Variants in PTH2R observed in about 807,000 individuals in gnomAD.
The protein encoded by PTH2R is PTH2 receptor.
A neutral mutation model predicts 60.3 loss-of-function variants in PTH2R; 59 were observed. The ratio of observed to expected loss-of-function variants is 0.98; its 90% confidence interval spans 0.79 to 1.22. PTH2R has a LOEUF of 1.22. Among genes scored for constraint, PTH2R ranks in the 50% most tolerant of loss-of-function variants. The probability of loss-of-function intolerance (pLI) is 0.00; values close to 1 mark genes in which losing one functional copy is unlikely to be tolerated. For synonymous variants in PTH2R, 256 were observed against 243.8 expected, an observed-to-expected ratio of 1.05 and a Z score of -0.47; for missense variants, 749 against 682.6, an observed-to-expected ratio of 1.10 and a Z score of -1.08.
intron 1 of PTH2R, among the ~76,000 whole-genome samples, chr2:208,379,258 G>A (rs1274040126): frequency 6.6e-6 from 1 of 152,144 alleles, no homozygotes; most frequent in African/African-American, 2.4e-5. Context: ...AGCAGGTAAT[G>A]TTCTTTGTTG....
At chr2:208,437,504 T>C in intron 2 of PTH2R, 33 bp from the exon 3 acceptor site, 1 of 1,542,218 alleles carries the variant, frequency 6.5e-7, no homozygotes. Context: ...CATTTTTCTT[T>C]GTTTATTTGC....
At chr2:208,370,493 C>T (rs541122650) in intron 1 of PTH2R, among the ~76,000 whole-genome samples, 7 of 134,940 alleles carry the variant, frequency 5.2e-5, no homozygotes, top group African/African-American at 1.1e-4. Flanking sequence ...CAACATTCTA[C>T]GTTAGGTAAA....
rs1703467964 is a variant in PTH2R at position 208,493,767 on chromosome 2, G to A, written c.*108G>A. ...TTCAAAGGCTGAAAATTCAGTTAAGGTGTTACTTAATAATAGTTTTTAGGC... is the reference window on the plus strand; with the variant it reads ...TTCAAAGGCTGAAAATTCAGTTAAGATGTTACTTAATAATAGTTTTTAGGC... On this transcript the variant is annotated 3_prime_UTR_variant, in exon 13 of 13. Transcript: ENST00000272847. 3 of 1,283,268 alleles carry A rather than the reference G, an allele frequency of 2.3e-6. No individual in the cohort carries two copies. Among genetic ancestry groups the A allele is most frequent in the Non-Finnish European group, 3.2e-6 (3 of 951,868 alleles). The allele number at this position is 1,283,268 out of a possible 1,614,324, so 79.5% of individuals were successfully genotyped here.
At position 208,407,236 on chromosome 2, in the gene PTH2R, G is replaced by A. The variant is rs989413844; in HGVS notation, c.75+118G>A. The A allele has an allele frequency of 1.2e-5, 10 of 824,862 alleles. No homozygotes were observed. In the African/African-American group the frequency reaches 1.6e-4, roughly 13 times the overall value. The allele number at this position is 824,862 out of a possible 1,614,324, so 51.1% of individuals were successfully genotyped here. A position where few individuals can be genotyped will look rare whatever the true frequency, so the allele number is the denominator to read the frequency against. ...CATTCATGTTCACACGTCCACAAAC[G>A]CCCCGGCACGCACCGAGGCGTACCC... On this transcript the variant is annotated intron_variant, in intron 1 of 12. Transcript: ENST00000272847.
At chr2:208,414,370 C>A (rs1345749125) in intron 1 of PTH2R, among the ~76,000 whole-genome samples, 2 of 152,056 alleles carry the variant, frequency 1.3e-5, no homozygotes, top group Non-Finnish European at 2.9e-5. Context: ...TTTAATATAT[C>A]TGGTGACAAT....
At chr2:208,433,359 TCTTTA>T (rs1388810929) in intron 2 of PTH2R, among the ~76,000 whole-genome samples, 1 of 152,242 alleles carries the variant, frequency 6.6e-6, no homozygotes, top group Non-Finnish European at 1.5e-5. Flanking sequence ...ACTCAAGTGC[TCTTTA>T]CTTTAAAATT....
intron 1 of PTH2R, among the ~76,000 whole-genome samples, chr2:208,364,359 G>A (rs2125865368): frequency 6.6e-6 from 1 of 152,016 alleles, no homozygotes; most frequent in South Asian, 2.1e-4. Context: ...TTATTGCTTT[G>A]GGTCTTTGGT....
intron 1 of PTH2R, among the ~76,000 whole-genome samples, chr2:208,422,015 G>A (rs1237967941): frequency 1.3e-5 from 2 of 152,142 alleles, no homozygotes; most frequent in Admixed American, 6.6e-5. Context: ...AGAAGTACTA[G>A]GATTTGCTAT....
chr2:208,397,802 G>A (rs1481563633), intron 1 of PTH2R, among the ~76,000 whole-genome samples: 1 of 152,168 alleles, frequency 6.6e-6, no homozygotes, highest in Non-Finnish European at 1.5e-5. Flanking sequence ...TATGTGGGGT[G>A]GCCATGTTGC....
intron 6 of PTH2R, among the ~76,000 whole-genome samples, chr2:208,444,173 A>G (rs1327456551): frequency 6.6e-6 from 1 of 152,162 alleles, no homozygotes; most frequent in Admixed American, 6.5e-5. Context: ...GCTTTCCCCA[A>G]CAGAAGGAAG....
At chr2:208,406,768 G>A (rs1189103381), upstream of PTH2R, 2 of 322,138 alleles carry the variant, frequency 6.2e-6, no homozygotes, top group East Asian at 9.3e-5. Flanking sequence ...CGCCGCAGGC[G>A]GCGCGGGGCT....
chr2:208,413,747 G>A (rs1466261288), intron 1 of PTH2R, among the ~76,000 whole-genome samples: 2 of 152,162 alleles, frequency 1.3e-5, no homozygotes, highest in African/African-American at 4.8e-5. Context: ...AAAGTGTAAG[G>A]GTTGAAGAAG....
intron 1 of PTH2R, among the ~76,000 whole-genome samples, chr2:208,395,679 C>T (rs773005365): frequency 2.0e-5 from 3 of 152,156 alleles, no homozygotes; most frequent in Non-Finnish European, 4.4e-5. Flanking sequence ...GATTCTCTGC[C>T]AACACCCAGA....
intron 8 of PTH2R, among the ~76,000 whole-genome samples, chr2:208,457,313 C>A (rs1221719876): frequency 6.6e-6 from 1 of 152,116 alleles, no homozygotes; most frequent in African/African-American, 2.4e-5. Flanking sequence ...GTAAACAATG[C>A]CAGAAAATGT....
chr2:208,374,295 C>T (rs754207688), intron 1 of PTH2R, among the ~76,000 whole-genome samples: 1 of 151,944 alleles, frequency 6.6e-6, no homozygotes, highest in Non-Finnish European at 1.5e-5. Flanking sequence ...TTTTCCTATG[C>T]CTTTAACTTC....
intron 9 of PTH2R, among the ~76,000 whole-genome samples, chr2:208,460,492 A>T (rs1702612842): frequency 6.6e-6 from 1 of 152,192 alleles, no homozygotes; most frequent in Non-Finnish European, 1.5e-5. Flanking sequence ...ATTAGATAGA[A>T]TTGAAAGTAA....
At chr2:208,479,184 G>T (rs147859069) in intron 9 of PTH2R, among the ~76,000 whole-genome samples, 3,095 of 152,042 alleles carry the variant, frequency 0.02, 113 homozygotes, top group African/African-American at 0.069. Flanking sequence ...GTTATTAAAT[G>T]GGTGGACTCA....
chr2:208,368,246 A>G (rs1700630687), intron 1 of PTH2R, among the ~76,000 whole-genome samples: 2 of 152,186 alleles, frequency 1.3e-5, no homozygotes, highest in South Asian at 4.1e-4. Flanking sequence ...TGTGAAAATG[A>G]TGGGATTGTT....
In PTH2R at chr2:208,489,264, A is replaced by C. The variant is rs1574918595; in HGVS notation, c.1215+114A>C. The C allele has an allele frequency of 3.7e-6, 5 of 1,341,842 alleles. No homozygotes were observed. In the African/African-American group the frequency reaches 4.4e-5, roughly 12 times the overall value. 83.1% of individuals were successfully genotyped at this position (1,341,842 alleles called of 1,614,324 possible). ...CTGGCTTTGATGCACCTGTCTGGGG[A>C]GTTGGGGGGTGCAGAAAGGTCAATA... On this transcript the variant is annotated intron_variant, in intron 11 of 12. Coordinates refer to ENST00000272847, the MANE Select transcript of PTH2R (RefSeq NM_005048.4).
Sources: allele counts gnomAD v4.1 joint callset (sites outside exome capture counted in the v4.1 genomes callset), GRCh38; gene constraint gnomAD v4.1.1; transcripts MANE v1.5; gene names NCBI Gene and HGNC (gene_info 2026-07-23, HGNC 2026-07-21).